The following ATRNL1 variants were observed in gnomAD, a reference collection of about 807,000 sequenced individuals.
The protein encoded by ATRNL1 is attractin-like protein 1.
ATRNL1 carries 95 observed loss-of-function variants against 182.7 expected under a neutral mutation model. That is an observed-to-expected ratio of 0.52 (90% CI 0.44 to 0.62). ATRNL1 has a LOEUF of 0.62. Among genes scored for constraint, ATRNL1 ranks in the 20% least tolerant of loss-of-function variants. The probability of loss-of-function intolerance (pLI) is 0.00; values close to 1 mark genes in which losing one functional copy is unlikely to be tolerated. For missense variants in ATRNL1, 1,471 were observed against 1,679.5 expected (o/e 0.88, Z 2.17); for synonymous variants, 576 against 568.3 (o/e 1.01, Z -0.19).
chr10:115,597,838 A>G (rs1210857414), intron 26 of ATRNL1: 6 of 265,220 alleles, frequency 2.3e-5, no homozygotes, highest in African/African-American at 7.0e-5. Flanking sequence ...CCGGGCCTCT[A>G]TGTGAACTCT....
intron 22 of ATRNL1, among the ~76,000 whole-genome samples, chr10:115,463,131 A>G (rs1342445253): frequency 6.6e-6 from 1 of 151,848 alleles, no homozygotes; most frequent in Non-Finnish European, 1.5e-5. Context: ...AAATATATTA[A>G]TACTATGACA....
At chr10:115,269,237 G>A (rs971921793) in intron 13 of ATRNL1, among the ~76,000 whole-genome samples, 1 of 152,162 alleles carries the variant, frequency 6.6e-6, no homozygotes, top group Non-Finnish European at 1.5e-5. Context: ...AAGATTTTAA[G>A]TGGTAGCATC....
intron 10 of ATRNL1, among the ~76,000 whole-genome samples, chr10:115,256,634 CTT>C (rs1851151936): frequency 6.6e-6 from 1 of 152,120 alleles, no homozygotes; most frequent in African/African-American, 2.4e-5. Flanking sequence ...GTCTCTGTCT[CTT>C]TCACTTCTGC....
At chr10:115,129,634 C>T in intron 5 of ATRNL1, 99 bp downstream of exon 5, 2 of 851,366 alleles carry the variant, frequency 2.3e-6, no homozygotes, top group Non-Finnish European at 3.6e-6. Flanking sequence ...TTTGCACACC[C>T]AAGCCTTATA....
intron 28 of ATRNL1, among the ~76,000 whole-genome samples, chr10:115,899,804 A>G (rs1309532419): frequency 6.6e-6 from 1 of 152,180 alleles, no homozygotes; most frequent in Non-Finnish European, 1.5e-5. Context: ...ATCTTTGTAA[A>G]AAGAAATTAA....
intron 19 of ATRNL1, among the ~76,000 whole-genome samples, chr10:115,371,256 C>A (rs1857379174): frequency 6.6e-6 from 1 of 152,178 alleles, no homozygotes; most frequent in Non-Finnish European, 1.5e-5. Flanking sequence ...CACACAGAGT[C>A]CCCACTAGGT....
intron 27 of ATRNL1, among the ~76,000 whole-genome samples, chr10:115,775,390 T>G (rs1949097873): frequency 6.6e-6 from 1 of 152,232 alleles, no homozygotes; most frequent in Non-Finnish European, 1.5e-5. Flanking sequence ...GCTTTCTTTC[T>G]TAATAGATTG....
At chr10:115,326,354 A>C (rs1312348400) in intron 18 of ATRNL1, among the ~76,000 whole-genome samples, 1 of 152,196 alleles carries the variant, frequency 6.6e-6, no homozygotes, top group East Asian at 1.9e-4. Context: ...AGAGAATAAA[A>C]TACCTAGGAA....
At chr10:115,859,228 C>G (rs1951254625) in intron 28 of ATRNL1, among the ~76,000 whole-genome samples, 1 of 151,990 alleles carries the variant, frequency 6.6e-6, no homozygotes, top group South Asian at 2.1e-4. Context: ...GGGGCACAAA[C>G]ATTCAGGCCA....
intron 18 of ATRNL1, among the ~76,000 whole-genome samples, chr10:115,323,012 A>G (rs1854662234): frequency 6.6e-6 from 1 of 151,858 alleles, no homozygotes; most frequent in Admixed American, 6.6e-5. Context: ...TGGATGTGTA[A>G]GTTAATATTT....
At chr10:115,312,095 C>T (rs1461489782) in intron 17 of ATRNL1, among the ~76,000 whole-genome samples, 1 of 151,872 alleles carries the variant, frequency 6.6e-6, no homozygotes, top group Non-Finnish European at 1.5e-5. Flanking sequence ...GCATTTATAC[C>T]ATTTACATGT....
At position 115,815,413 on chromosome 10, in the gene ATRNL1, GTA is replaced by G. The variant is rs1248990142; in HGVS notation, c.3904-32462_3904-32461del. On this transcript the variant is annotated intron_variant, in intron 27 of 28. Transcript: ENST00000355044. ...ACATCCACTGGTATGTGGTGTGTGTGTATGTGTGTGTGTGTGTGTGTGTGTGT... is the reference window on the plus strand; with the variant it reads ...ACATCCACTGGTATGTGGTGTGTGTGTGTGTGTGTGTGTGTGTGTGTGTGT... 1.9e-3 allele frequency among the ~76,000 whole-genome samples: 240 copies of G among 128,210 alleles called. 1 individual carries two copies. In the East Asian group the frequency reaches 0.026, roughly 14 times the overall value. The allele number at this position is 128,210 out of a possible 152,430, so 84.1% of individuals were successfully genotyped here.
intron 26 of ATRNL1, among the ~76,000 whole-genome samples, chr10:115,558,552 C>T (rs1385468291): frequency 1.3e-5 from 2 of 152,106 alleles, no homozygotes; most frequent in Non-Finnish European, 2.9e-5. Context: ...TCCTTTGTTA[C>T]TCAGCTTGGG....
intron 16 of ATRNL1, among the ~76,000 whole-genome samples, chr10:115,300,892 T>C (rs1400500510): frequency 6.6e-6 from 1 of 152,148 alleles, no homozygotes; most frequent in African/African-American, 2.4e-5. Context: ...TAACTCTCCA[T>C]TTCCTCCACC....
chr10:115,358,031 A>G (rs1219216899), intron 19 of ATRNL1, among the ~76,000 whole-genome samples: 1 of 151,532 alleles, frequency 6.6e-6, no homozygotes, highest in Non-Finnish European at 1.5e-5. Flanking sequence ...TATCTATGAT[A>G]TTTATTCCCT....
chr10:115,288,273 G>C (rs377594333), intron 15 of ATRNL1, among the ~76,000 whole-genome samples: 11 of 152,080 alleles, frequency 7.2e-5, no homozygotes, highest in African/African-American at 2.7e-4. Flanking sequence ...ACAAATGATA[G>C]TTCTATTTGT....
chr10:115,376,092 C>T (rs1857654027), intron 19 of ATRNL1, among the ~76,000 whole-genome samples: 1 of 151,724 alleles, frequency 6.6e-6, no homozygotes, highest in African/African-American at 2.4e-5. Context: ...CTGAAGGACA[C>T]CTTTGCTGAT....
At chr10:115,887,020 T>TTA (rs1951960440) in intron 28 of ATRNL1, among the ~76,000 whole-genome samples, 1 of 152,196 alleles carries the variant, frequency 6.6e-6, no homozygotes, top group Non-Finnish European at 1.5e-5. Context: ...TGCCAAATAT[T>TTA]TATTGAGTGC....
intron 25 of ATRNL1, among the ~76,000 whole-genome samples, chr10:115,527,151 A>ACTCTGCCT (rs1457857055): frequency 2.2e-5 from 3 of 137,622 alleles, no homozygotes; most frequent in Non-Finnish European, 3.1e-5. Context: ...ATAGGGTCTC[A>ACTCTGCCT]CTCTGCCTCC....
Sources: allele counts gnomAD v4.1 joint callset (sites outside exome capture counted in the v4.1 genomes callset), GRCh38; gene constraint gnomAD v4.1.1; transcripts MANE v1.5; gene names NCBI Gene and HGNC (gene_info 2026-07-23, HGNC 2026-07-21).